The following ZNF462 variants were observed in gnomAD, a reference collection of about 807,000 sequenced individuals.
The protein encoded by ZNF462 is zinc finger PBX1-interacting protein.
Under a neutral mutation model 201.9 loss-of-function variants are expected in ZNF462, and 10 were observed. That is an observed-to-expected ratio of 0.05 (90% CI 0.03 to 0.08). The LOEUF is 0.08. Ranked by LOEUF, ZNF462 falls within the 10% of genes least tolerant of loss-of-function variation. The pLI is 1.00. For synonymous variants in ZNF462, 1,227 were observed against 1,193.3 expected (o/e 1.03, Z -0.58); for missense variants, 2,523 against 3,168.3 (o/e 0.80, Z 4.89).
chr9:106,937,631 A>G lies in ZNF462; in HGVS notation c.6236-1285A>G, dbSNP rs78300047. ...TGTTATCTAAACGCCACTGTTGTTA[A>G]CATTTCATATATTTCCTTTCAGTCA... On this transcript the variant is annotated intron_variant, in intron 6 of 12. Transcript: ENST00000277225. Among the ~76,000 whole-genome samples, 812 of 152,302 alleles carry G rather than the reference A, an allele frequency of 5.3e-3. 2 individuals carry two copies. The highest frequency in any genetic ancestry group is 9.3e-3 in the Non-Finnish European group (631 of 68,014).
intron 10 of ZNF462, among the ~76,000 whole-genome samples, chr9:106,990,912 T>C (rs552396252): frequency 6.6e-6 from 1 of 152,132 alleles, no homozygotes; most frequent in East Asian, 1.9e-4. Flanking sequence ...TGACAGCCAG[T>C]GGAATTATGT....
chr9:106,882,327 A>T (rs1828134871), intron 1 of ZNF462, among the ~76,000 whole-genome samples: 1 of 152,242 alleles, frequency 6.6e-6, no homozygotes, highest in Admixed American at 6.5e-5. Flanking sequence ...TAGCATTTTT[A>T]AAAATGTCAT....
chr9:106,996,113 G>A (rs1828710335), intron 10 of ZNF462, among the ~76,000 whole-genome samples: 1 of 152,082 alleles, frequency 6.6e-6, no homozygotes, highest in Non-Finnish European at 1.5e-5. Context: ...ATGGTTTCCA[G>A]CTTCATCCAT....
chr9:106,992,458 A>C (rs1828362565), intron 10 of ZNF462, among the ~76,000 whole-genome samples: 3 of 152,090 alleles, frequency 2.0e-5, no homozygotes. Context: ...TTAAACGTAC[A>C]CTTGCCATCT....
rs1040439551 is a variant in ZNF462 at position 106,954,322 on chromosome 9, G to A, written c.6427+15215G>A. On this transcript the variant is annotated intron_variant, in intron 7 of 12. Coordinates refer to ENST00000277225, the MANE Select transcript of ZNF462 (RefSeq NM_021224.6). This position sits in a 1 kb window ranked among gnomAD's most constrained non-coding sequence, Gnocchi z 4.0. ...GGAGAGAGAAAGAGAGTGAGGGGGG[G>A]ATGTGCCATACTTCTAAACCATCAG... Among the ~76,000 whole-genome samples the A allele has an allele frequency of 1.3e-5, 2 of 151,980 alleles. No individual in the cohort carries two copies. The highest frequency in any genetic ancestry group is 4.1e-4 in the South Asian group (2 of 4,820).
At chr9:106,866,909 A>T (rs1827357547) in intron 1 of ZNF462, among the ~76,000 whole-genome samples, 2 of 152,148 alleles carry the variant, frequency 1.3e-5, no homozygotes, top group Non-Finnish European at 2.9e-5. Context: ...AACTTTCATG[A>T]TATCTTTTTT....
chr9:106,886,883 A>C lies in ZNF462; in HGVS notation c.-31+23528A>C, dbSNP rs939117504. On this transcript the variant is annotated intron_variant, in intron 1 of 12. Transcript: ENST00000277225. The surrounding 1 kb of genome is among the most constrained non-coding windows in gnomAD (Gnocchi z 4.6). ...GCCTTGTCTAGGCTTGTTGGAAAAG[A>C]GTGTGGAGATCAAGCAGAGAAGTCT... Among the ~76,000 whole-genome samples the C allele has an allele frequency of 1.3e-5, 2 of 152,032 alleles. No individual in the cohort carries two copies. The highest frequency in any genetic ancestry group is 2.9e-5 in the Non-Finnish European group (2 of 68,032).
Position 106,925,782 on chromosome 9 carries a change from T to G in ZNF462, c.1870T>G (p.Ser624Ala). Residue 624 changes from serine (S) to alanine (A), a missense_variant, in exon 3 of 13, where the codon TCA becomes GCA. By Grantham distance (99) the Ser-to-Ala change is moderately conservative. Coordinates refer to ENST00000277225, the MANE Select transcript of ZNF462 (RefSeq NM_021224.6). This position sits in a 1 kb window ranked among gnomAD's most constrained non-coding sequence, Gnocchi z 7.9. ...AAGAGTCCATCAGCAGCATAAACAT[T>G]CATTCTGTGACAACTTGCCAAAATT... is the stretch of plus-strand genomic sequence containing the variant. The part of the protein sequence containing the change: ...GLRVHQQHKH[S>A]FCDNLPKFEG... The G allele has an allele frequency of 6.2e-7, 1 of 1,614,148 alleles. No homozygotes were observed. Among genetic ancestry groups the G allele is most frequent in the South Asian group, 1.1e-5 (1 of 91,088 alleles).
intron 1 of ZNF462, among the ~76,000 whole-genome samples, chr9:106,910,510 T>C (rs926025345): frequency 7.2e-5 from 11 of 152,030 alleles, no homozygotes; most frequent in African/African-American, 2.7e-4. Context: ...GAACCTGAGT[T>C]TGTGTCTTGA....
At position 106,930,572 on chromosome 9, in the gene ZNF462, G is replaced by A; in HGVS notation, c.5895G>A (p.Val1965=). 2 of 1,614,150 alleles carry A rather than the reference G, an allele frequency of 1.2e-6. No homozygotes were observed. The highest frequency in any genetic ancestry group is 1.7e-6 in the Non-Finnish European group (2 of 1,180,024). Residue 1965 remains valine, a synonymous_variant, in exon 4 of 13, where the codon GTG becomes GTA. Transcript: ENST00000277225. The surrounding 1 kb of genome is among the most constrained non-coding windows in gnomAD (Gnocchi z 5.8). ...EEVPKIKERK[V]VGYKCKFCVE... The stretch of plus-strand genomic sequence containing the variant: ...TGCCAAAGATCAAGGAGAGGAAAGT[G>A]GTGGGCTACAAATGTAAATTCTGTG...
chr9:106,863,429 G>C (rs1587959513), intron 1 of ZNF462, 74 bp downstream of exon 1: 2 of 382,626 alleles, frequency 5.2e-6, no homozygotes, highest in East Asian at 7.4e-5. Context: ...GGTGGTGGAG[G>C]CACAAACGCG....
chr9:106,919,734 G>A lies in ZNF462; in HGVS notation c.-30-3620G>A, dbSNP rs1184925880. Among the ~76,000 whole-genome samples, 2 of 152,204 alleles carry A rather than the reference G, an allele frequency of 1.3e-5. No homozygotes were observed. Among genetic ancestry groups the A allele is most frequent in the Non-Finnish European group, 2.9e-5 (2 of 68,022 alleles). On this transcript the variant is annotated intron_variant, in intron 1 of 12. Coordinates refer to ENST00000277225, the MANE Select transcript of ZNF462 (RefSeq NM_021224.6). The surrounding 1 kb of genome is among the most constrained non-coding windows in gnomAD (Gnocchi z 4.5). ...CATGTTAGGAGGACCAGTCACATTA[G>A]GTGCCAGTTATTTTAGAATGAATCT...
intron 1 of ZNF462, among the ~76,000 whole-genome samples, chr9:106,916,168 G>A (rs1829765938): frequency 6.6e-6 from 1 of 152,104 alleles, no homozygotes; most frequent in African/African-American, 2.4e-5. Context: ...AACAAGGTAA[G>A]TTGTTAAAAA....
At chr9:106,947,416 C>T (rs918884373) in intron 7 of ZNF462, among the ~76,000 whole-genome samples, 3 of 152,148 alleles carry the variant, frequency 2.0e-5, no homozygotes, top group Non-Finnish European at 4.4e-5. Flanking sequence ...ATAGCCACAT[C>T]GAAGAGATGC....
At chr9:106,871,436 G>A (rs1165062902) in intron 1 of ZNF462, among the ~76,000 whole-genome samples, 1 of 152,212 alleles carries the variant, frequency 6.6e-6, no homozygotes, top group Non-Finnish European at 1.5e-5. Context: ...TTGGATGGGA[G>A]AAGGAAAAGA....
chr9:106,925,482 A>G lies in ZNF462; in HGVS notation c.1570A>G (p.Ser524Gly), dbSNP rs764190052. ...AGGTGTGGTGTCTTATGAGAGCTCA[A>G]GCATCAATGGTAGAAAGTCAGGAGT... ...NEGVVSYESS[S>G]INGRKSGVML... is the part of the protein sequence containing the mutation. The change falls in exon 3 of 13, where the codon AGC becomes GGC. Residue 524 changes from serine to glycine, a missense_variant. Transcript: ENST00000277225. This position sits in a 1 kb window ranked among gnomAD's most constrained non-coding sequence, Gnocchi z 7.9. 2.5e-6 allele frequency: 4 copies of G among 1,614,196 alleles called. No homozygotes were observed. In the African/African-American group the frequency reaches 5.3e-5, roughly 22 times the overall value.
At position 106,969,173 on chromosome 9, in the gene ZNF462, A is replaced by G. The variant is rs145943643; in HGVS notation, c.6428-2832A>G. ...TGGGCATTATTACAAATGTGTCCTA[A>G]ATGATGGGATTTGCTTGTTTTTGTC... On this transcript the variant is annotated intron_variant, in intron 7 of 12. Coordinates refer to ENST00000277225, the MANE Select transcript of ZNF462 (RefSeq NM_021224.6). 1.8e-3 allele frequency among the ~76,000 whole-genome samples: 277 copies of G among 152,322 alleles called. 3 individuals carry two copies. The highest frequency in any genetic ancestry group is 6.2e-3 in the African/African-American group (258 of 41,574).
chr9:106,937,179 A>T (rs1243888714), intron 6 of ZNF462, among the ~76,000 whole-genome samples: 1 of 152,204 alleles, frequency 6.6e-6, no homozygotes, highest in Non-Finnish European at 1.5e-5. Flanking sequence ...ACTCACAGCC[A>T]CCAGCAATAT....
At chr9:106,952,700 T>C (rs1468117765) in intron 7 of ZNF462, among the ~76,000 whole-genome samples, 2 of 152,326 alleles carry the variant, frequency 1.3e-5, no homozygotes, top group African/African-American at 4.8e-5. Context: ...ATTACTGACA[T>C]TAATCGATGA....
Sources: allele counts gnomAD v4.1 joint callset (sites outside exome capture counted in the v4.1 genomes callset), GRCh38; gene constraint gnomAD v4.1.1; non-coding constraint Gnocchi (gnomAD v3.1); transcripts MANE v1.5; gene names NCBI Gene and HGNC (gene_info 2026-07-23, HGNC 2026-07-21).